The following SGMS1 variants were observed in gnomAD, a reference collection of about 807,000 sequenced individuals.
SGMS1 encodes the protein phosphatidylcholine:ceramide cholinephosphotransferase 1.
Under a neutral mutation model 46.2 loss-of-function variants are expected in SGMS1, and 13 were observed. That is an observed-to-expected ratio of 0.28 (90% CI 0.18 to 0.45). SGMS1 has a LOEUF of 0.45. Among genes scored for constraint, SGMS1 ranks in the 20% least tolerant of loss-of-function variants. The pLI, the probability that SGMS1 is intolerant of heterozygous loss-of-function variation, is 1.00. For synonymous variants in SGMS1, 203 were observed against 187.8 expected (o/e 1.08, Z -0.66); for missense variants, 324 against 519.9 (o/e 0.62, Z 3.66).
intron 4 of SGMS1, among the ~76,000 whole-genome samples, chr10:50,464,653 T>C (rs577211533): frequency 1.3e-5 from 2 of 152,330 alleles, no homozygotes; most frequent in East Asian, 1.9e-4. Flanking sequence ...AGGCTGGTCT[T>C]GAACTCCTGA....
At chr10:50,535,285 T>C (rs1837990672) in intron 2 of SGMS1, among the ~76,000 whole-genome samples, 1 of 152,144 alleles carries the variant, frequency 6.6e-6, no homozygotes, top group African/African-American at 2.4e-5. Flanking sequence ...TTTTTAATTG[T>C]ACCCTAGCTG....
chr10:50,565,182 G>A (rs540637861), intron 2 of SGMS1, among the ~76,000 whole-genome samples: 5 of 152,116 alleles, frequency 3.3e-5, no homozygotes, highest in African/African-American at 1.2e-4. Context: ...AGTGAGTTTT[G>A]AAGGCACACA....
chr10:50,549,258 A>C (rs946606671), intron 2 of SGMS1, among the ~76,000 whole-genome samples: 1 of 152,248 alleles, frequency 6.6e-6, no homozygotes, highest in Non-Finnish European at 1.5e-5. Context: ...CATTCATTGC[A>C]GCACTATTCA....
chr10:50,417,014 T>G (rs1849180364), intron 6 of SGMS1, among the ~76,000 whole-genome samples: 1 of 152,202 alleles, frequency 6.6e-6, no homozygotes, highest in Admixed American at 6.5e-5. Context: ...CTCATTCATA[T>G]TCATAACTTC....
At chr10:50,598,028 G>GA (rs538921194) in intron 1 of SGMS1, among the ~76,000 whole-genome samples, 7 of 146,842 alleles carry the variant, frequency 4.8e-5, no homozygotes, top group South Asian at 4.3e-4. Context: ...AAAAAAAAAA[G>GA]AAAAAAAAAT....
chr10:50,344,521 C>T (rs927195285), intron 6 of SGMS1, among the ~76,000 whole-genome samples, 176 bp from the exon 7 acceptor site: 4 of 152,148 alleles, frequency 2.6e-5, no homozygotes, highest in African/African-American at 9.7e-5. Context: ...TTTTGCGACA[C>T]ACATTGAATT....
chr10:50,448,680 G>A (rs1459337832), intron 5 of SGMS1, among the ~76,000 whole-genome samples: 1 of 147,576 alleles, frequency 6.8e-6, no homozygotes, highest in African/African-American at 2.5e-5. Flanking sequence ...GGAGGCGGAG[G>A]TTGTGGTGAG....
chr10:50,490,657 A>G (rs557221653), intron 3 of SGMS1, among the ~76,000 whole-genome samples: 4 of 152,328 alleles, frequency 2.6e-5, no homozygotes, highest in South Asian at 2.1e-4. Context: ...GTGGAGGCCA[A>G]TGTGTAACTT....
intron 1 of SGMS1, among the ~76,000 whole-genome samples, chr10:50,592,758 A>G (rs1033740359): frequency 1.3e-4 from 20 of 152,250 alleles, no homozygotes; most frequent in African/African-American, 4.8e-4. Flanking sequence ...ACTAATTGGT[A>G]ACACATTCAG....
At chr10:50,317,668 A>G (rs764705571) in intron 8 of SGMS1, among the ~76,000 whole-genome samples, 4 of 152,212 alleles carry the variant, frequency 2.6e-5, no homozygotes, top group Admixed American at 1.3e-4. Flanking sequence ...AATTTAACCA[A>G]TTTTAAATAT....
chr10:50,402,768 T>G (rs968940768), intron 6 of SGMS1, among the ~76,000 whole-genome samples: 1 of 151,872 alleles, frequency 6.6e-6, no homozygotes, highest in African/African-American at 2.4e-5. Context: ...GCTTTAGAGG[T>G]AGAAGTGGTT....
chr10:50,324,294 T>A (rs537073295), intron 8 of SGMS1, among the ~76,000 whole-genome samples: 1 of 152,222 alleles, frequency 6.6e-6, no homozygotes, highest in South Asian at 2.1e-4. Flanking sequence ...ACTTTAGTGT[T>A]CTTTTTACTA....
At chr10:50,513,105 T>G (rs1837771760) in intron 3 of SGMS1, among the ~76,000 whole-genome samples, 1 of 152,222 alleles carries the variant, frequency 6.6e-6, no homozygotes, top group Non-Finnish European at 1.5e-5. Flanking sequence ...GCTTCTTGGA[T>G]GCAAGGTGTT....
intron 3 of SGMS1, among the ~76,000 whole-genome samples, chr10:50,479,233 G>T: frequency 6.6e-6 from 1 of 152,006 alleles, no homozygotes; most frequent in African/African-American, 2.4e-5. Flanking sequence ...TCCATTGGAT[G>T]TATTCTTCAG....
At chr10:50,342,019 T>G (rs1847828577) in intron 7 of SGMS1, among the ~76,000 whole-genome samples, 3 of 152,108 alleles carry the variant, frequency 2.0e-5, no homozygotes, top group Admixed American at 2.0e-4. Context: ...AATTTAAAAA[T>G]TTTGATGAAA....
At chr10:50,323,769 A>G (rs909614408) in intron 8 of SGMS1, among the ~76,000 whole-genome samples, 2 of 152,176 alleles carry the variant, frequency 1.3e-5, no homozygotes, top group African/African-American at 4.8e-5. Context: ...CCCTGCATGA[A>G]ATCTATTATC....
chr10:50,546,615 C>G (rs988487044), intron 2 of SGMS1, among the ~76,000 whole-genome samples: 2 of 152,084 alleles, frequency 1.3e-5, no homozygotes, highest in African/African-American at 4.8e-5. Context: ...AGCAAACTAT[C>G]ACAAGGACAA....
At chr10:50,428,531 C>G (rs1393050721) in intron 6 of SGMS1, among the ~76,000 whole-genome samples, 1 of 152,152 alleles carries the variant, frequency 6.6e-6, no homozygotes, top group Non-Finnish European at 1.5e-5. Context: ...ATGGCTAGAG[C>G]TGAGCTTTCT....
chr10:50,457,165 C>A (rs1837202382), intron 5 of SGMS1, among the ~76,000 whole-genome samples: 1 of 152,064 alleles, frequency 6.6e-6, no homozygotes, highest in Non-Finnish European at 1.5e-5. Flanking sequence ...TGCAAAAGAA[C>A]ATTTAAGCAC....
Sources: allele counts gnomAD v4.1 joint callset (sites outside exome capture counted in the v4.1 genomes callset), GRCh38; gene constraint gnomAD v4.1.1; transcripts MANE v1.5; gene names NCBI Gene and HGNC (gene_info 2026-07-23, HGNC 2026-07-21).